Variants in CCSER2 observed in about 807,000 individuals in gnomAD.
CCSER2 encodes coiled-coil serine rich protein 2, also known as serine-rich coiled-coil domain-containing protein 2.
In CCSER2, 46 loss-of-function variants were observed where a neutral mutation model predicts 92.3. The observed-to-expected ratio is 0.50, with a 90% CI of 0.39 to 0.64. The LOEUF (loss-of-function observed/expected upper bound fraction) is 0.64, where lower values mean the gene tolerates loss of function less well. CCSER2 is among the 30% of genes least tolerant of loss of function. CCSER2 has a pLI of 0.00. For synonymous variants in CCSER2, 433 were observed against 431.4 expected (o/e 1.00, Z -0.04); for missense variants, 1,244 against 1,238.9 (o/e 1.00, Z -0.06).
intron 6 of CCSER2, among the ~76,000 whole-genome samples, chr10:84,444,748 A>C (rs1039338211): frequency 2.0e-5 from 3 of 152,330 alleles, no homozygotes; most frequent in African/African-American, 7.2e-5. Flanking sequence ...CACTTGAAAA[A>C]AGTTCTCCCT....
chr10:84,483,393 CAAA>C (rs768732138), intron 9 of CCSER2, among the ~76,000 whole-genome samples: 7 of 74,418 alleles, frequency 9.4e-5, no homozygotes, highest in Admixed American at 1.5e-4. Context: ...AACTCTGTCT[CAAA>C]AAAAAAAAAA....
Position 84,514,007 on chromosome 10 carries a change from C to A in CCSER2, c.2884C>A (p.Gln962Lys). The A allele has an allele frequency of 6.5e-7, 1 of 1,536,678 alleles. No individual in the cohort carries two copies. The highest frequency in any genetic ancestry group is 8.7e-7 in the Non-Finnish European group (1 of 1,147,034). ...IITTCNSAKLQPTSSQTNLAN... is the reference protein window; with the variant it reads ...IITTCNSAKLKPTSSQTNLAN... ...CACAACATGTAATTCAGCAAAACTT[C>A]AGCCAACATCTAGTCAAACAAATCT... Residue 962 changes from glutamine to lysine, a missense_variant, in exon 10 of 10, where the codon CAG becomes AAG. Transcript: ENST00000372088.
At chr10:84,374,147 G>C (rs959731346) in intron 3 of CCSER2, 5 of 410,892 alleles carry the variant, frequency 1.2e-5, no homozygotes, top group Non-Finnish European at 2.2e-5. Flanking sequence ...TTGTCATATT[G>C]ATGAGTGCTT....
intron 1 of CCSER2, among the ~76,000 whole-genome samples, chr10:84,339,944 C>G (rs749588887): frequency 6.6e-6 from 1 of 151,926 alleles, no homozygotes; most frequent in Non-Finnish European, 1.5e-5. Flanking sequence ...CAGGTTCAAG[C>G]AATTCTCCTG....
chr10:84,359,587 G>C (rs1286982034), intron 1 of CCSER2, among the ~76,000 whole-genome samples: 1 of 152,122 alleles, frequency 6.6e-6, no homozygotes, highest in African/African-American at 2.4e-5. Context: ...AGGGTAGTTA[G>C]AAGTTTATGA....
chr10:84,445,394 C>A (rs1170431853), intron 6 of CCSER2, among the ~76,000 whole-genome samples: 1 of 152,202 alleles, frequency 6.6e-6, no homozygotes, highest in Admixed American at 6.5e-5. Context: ...ACCTTGTGAT[C>A]CACCCGCCTT....
chr10:84,387,820 G>A (rs528240770), intron 3 of CCSER2, among the ~76,000 whole-genome samples: 35 of 152,110 alleles, frequency 2.3e-4, no homozygotes, highest in African/African-American at 7.7e-4. Flanking sequence ...GAGCCACCGC[G>A]CCCGGCCACA....
intron 4 of CCSER2, among the ~76,000 whole-genome samples, chr10:84,420,331 A>G (rs912919727): frequency 1.3e-5 from 2 of 152,228 alleles, no homozygotes; most frequent in South Asian, 4.1e-4. Context: ...GCAAACAACT[A>G]TTGGCTATTT....
chr10:84,475,188 A>T (rs1298935812), intron 8 of CCSER2, among the ~76,000 whole-genome samples: 1 of 147,534 alleles, frequency 6.8e-6, no homozygotes, highest in African/African-American at 2.7e-5. Context: ...CTTCCTAAGC[A>T]TAGAGGAATG....
chr10:84,485,219 T>C (rs1847734763), intron 9 of CCSER2, among the ~76,000 whole-genome samples: 1 of 152,180 alleles, frequency 6.6e-6, no homozygotes, highest in East Asian at 1.9e-4. Flanking sequence ...TTAGTGATGG[T>C]GTGTGTGCAC....
chr10:84,383,692 C>G (rs1382267568), intron 3 of CCSER2, among the ~76,000 whole-genome samples: 1 of 152,116 alleles, frequency 6.6e-6, no homozygotes, highest in Non-Finnish European at 1.5e-5. Context: ...TAGTTTTTCA[C>G]TTTATTTAAC....
chr10:84,375,923 T>G (rs1278569347), intron 3 of CCSER2, among the ~76,000 whole-genome samples: 1 of 151,726 alleles, frequency 6.6e-6, no homozygotes, highest in Non-Finnish European at 1.5e-5. Context: ...CTCAAGACCT[T>G]TAGCATATTC....
intron 7 of CCSER2, among the ~76,000 whole-genome samples, chr10:84,464,337 A>G (rs1160273131): frequency 6.6e-6 from 1 of 152,220 alleles, no homozygotes; most frequent in Admixed American, 6.5e-5. Context: ...CTTCTCATAT[A>G]TAAATCCCAA....
intron 3 of CCSER2, among the ~76,000 whole-genome samples, chr10:84,412,288 G>A (rs1374936154): frequency 6.6e-6 from 1 of 152,108 alleles, no homozygotes; most frequent in African/African-American, 2.4e-5. Flanking sequence ...TTGGTATCAG[G>A]ATGATGGTGA....
At chr10:84,463,565 A>G (rs906155761) in intron 6 of CCSER2, among the ~76,000 whole-genome samples, 16 of 152,228 alleles carry the variant, frequency 1.1e-4, no homozygotes, top group African/African-American at 2.4e-4. Context: ...TACTCAAAAC[A>G]TGTCTAAACC....
intron 6 of CCSER2, among the ~76,000 whole-genome samples, chr10:84,458,185 C>T (rs773770354): frequency 3.3e-5 from 5 of 152,106 alleles, no homozygotes; most frequent in Non-Finnish European, 7.4e-5. Flanking sequence ...AAGTTTGAAA[C>T]TTAGGTGTAT....
chr10:84,344,987 C>T (rs979971805), intron 1 of CCSER2, among the ~76,000 whole-genome samples: 8 of 152,192 alleles, frequency 5.3e-5, no homozygotes, highest in Non-Finnish European at 1.0e-4. Context: ...GTACCTGGCA[C>T]ACAAGTACTT....
chr10:84,494,141 C>T (rs1249797152), intron 9 of CCSER2, among the ~76,000 whole-genome samples: 1 of 152,210 alleles, frequency 6.6e-6, no homozygotes, highest in Non-Finnish European at 1.5e-5. Flanking sequence ...TGCTCACCTC[C>T]TGCTGTGTTG....
At chr10:84,428,985 GTATATA>G (rs60243946) in intron 5 of CCSER2, among the ~76,000 whole-genome samples, 52,980 of 140,876 alleles carry the variant, frequency 0.38, 11,178 homozygotes, top group East Asian at 0.48. Flanking sequence ...GTGTGTATGT[GTATATA>G]TATATATATA....
Sources: allele counts gnomAD v4.1 joint callset (sites outside exome capture counted in the v4.1 genomes callset), GRCh38; gene constraint gnomAD v4.1.1; transcripts MANE v1.5; gene names NCBI Gene and HGNC (gene_info 2026-07-23, HGNC 2026-07-21).